LIN28B: variants seen among roughly 807,000 people sequenced by gnomAD.
LIN28B encodes the protein protein lin-28 homolog B.
In LIN28B, 5 loss-of-function variants were observed where a neutral mutation model predicts 21.9. The ratio of observed to expected loss-of-function variants is 0.23; its 90% CI spans 0.12 to 0.48. LIN28B has a LOEUF of 0.48. Among genes scored for constraint, LIN28B ranks in the 20% least tolerant of loss-of-function variants. The pLI is 0.98. For missense variants in LIN28B, 245 were observed against 310.5 expected, an observed-to-expected ratio of 0.79 and a Z score of 1.58; for synonymous variants, 109 against 111.3, an observed-to-expected ratio of 0.98 and a Z score of 0.13.
rs952273655 is a variant in LIN28B, at chr6:105,037,703, G to T, written c.383+11221G>T. Among the ~76,000 whole-genome samples, 8 of 151,838 alleles carry T rather than the reference G, an allele frequency of 5.3e-5. No homozygotes were observed. The East Asian group carries it at 1.5e-3, about 29-fold the overall frequency. ...TTTTGTATTTTTTTTTAGAGACTGG[G>T]TTTTGCCACGTTGCCCAGGCTGGTC... On this transcript the variant is annotated intron_variant, in intron 3 of 3. Transcript: ENST00000345080.
intron 2 of LIN28B, among the ~76,000 whole-genome samples, chr6:104,946,008 A>G (rs1463942564): frequency 1.3e-5 from 2 of 152,056 alleles, no homozygotes; most frequent in Non-Finnish European, 2.9e-5. Context: ...AATTAAATTT[A>G]TCTCTGTGAT....
At chr6:104,947,868 A>C (rs570802200) in intron 2 of LIN28B, among the ~76,000 whole-genome samples, 1 of 152,124 alleles carries the variant, frequency 6.6e-6, no homozygotes, top group East Asian at 1.9e-4. Flanking sequence ...AATACAAAAT[A>C]ATGCCAGAAT....
At chr6:105,014,412 C>T (rs1770985710) in intron 2 of LIN28B, among the ~76,000 whole-genome samples, 1 of 152,302 alleles carries the variant, frequency 6.6e-6, no homozygotes, top group African/African-American at 2.4e-5. Flanking sequence ...CTCCGTTTCC[C>T]GGGTTCAAGC....
intron 3 of LIN28B, among the ~76,000 whole-genome samples, chr6:105,029,519 T>C (rs913143618): frequency 2.6e-5 from 4 of 152,244 alleles, no homozygotes; most frequent in African/African-American, 9.6e-5. Context: ...TTTCTCTTTT[T>C]TATGCTGGTT....
intron 3 of LIN28B, among the ~76,000 whole-genome samples, chr6:105,074,577 T>C (rs1040327923): frequency 6.6e-6 from 1 of 152,224 alleles, no homozygotes; most frequent in African/African-American, 2.4e-5. Context: ...TTATCTTCTA[T>C]CTTTAAACGC....
At chr6:104,948,981 T>C (rs1221110173) in intron 2 of LIN28B, among the ~76,000 whole-genome samples, 3 of 152,188 alleles carry the variant, frequency 2.0e-5, no homozygotes, top group Non-Finnish European at 4.4e-5. Flanking sequence ...TCTTACATTA[T>C]TTGATTTTGG....
chr6:105,054,823 C>T (rs559657427), intron 3 of LIN28B, among the ~76,000 whole-genome samples: 3 of 148,490 alleles, frequency 2.0e-5, no homozygotes, highest in East Asian at 4.1e-4. Context: ...CATGTGGTTA[C>T]ATTTTTCTTG....
At chr6:104,974,580 A>G (rs1430762695) in intron 2 of LIN28B, among the ~76,000 whole-genome samples, 1 of 151,548 alleles carries the variant, frequency 6.6e-6, no homozygotes, top group East Asian at 1.9e-4. Flanking sequence ...TGAAGGGCCC[A>G]AGTTTCTTCC....
intron 3 of LIN28B, among the ~76,000 whole-genome samples, chr6:105,063,593 G>A (rs1205009881): frequency 3.5e-5 from 5 of 141,250 alleles, no homozygotes; most frequent in Admixed American, 2.3e-4. Flanking sequence ...CCGAGATTGC[G>A]CCACTGCACT....
At chr6:104,977,355 A>G (rs9500005) in intron 2 of LIN28B, among the ~76,000 whole-genome samples, 2 of 152,162 alleles carry the variant, frequency 1.3e-5, no homozygotes, top group South Asian at 4.1e-4. Context: ...CCCCAAAGTC[A>G]GAACCTTCTT....
chr6:105,023,295 A>AT (rs1771178723), intron 2 of LIN28B, among the ~76,000 whole-genome samples: 1 of 24,786 alleles, frequency 4.0e-5, no homozygotes, highest in African/African-American at 1.5e-4. Context: ...AATAATATAT[A>AT]TATTTATATA....
At chr6:104,955,163 A>G (rs928613184), upstream of LIN28B, among the ~76,000 whole-genome samples, 4 of 152,208 alleles carry the variant, frequency 2.6e-5, no homozygotes, top group Non-Finnish European at 5.9e-5. Flanking sequence ...CTGTAATGCC[A>G]TCATTGAGAT....
intron 2 of LIN28B, chr6:104,939,488 T>C (rs1056201517): frequency 1.3e-5 from 2 of 152,224 alleles, no homozygotes; most frequent in Admixed American, 6.5e-5. Flanking sequence ...TTTGTCTGCA[T>C]TGATCTCACT....
At chr6:104,993,559 G>A (rs1217566952) in intron 2 of LIN28B, among the ~76,000 whole-genome samples, 1 of 152,172 alleles carries the variant, frequency 6.6e-6, no homozygotes, top group African/African-American at 2.4e-5. Context: ...GCTTTGGCTG[G>A]GGGCGGTGGC....
At chr6:105,012,266 G>A (rs545060574) in intron 2 of LIN28B, among the ~76,000 whole-genome samples, 2 of 151,928 alleles carry the variant, frequency 1.3e-5, no homozygotes, top group East Asian at 3.9e-4. Flanking sequence ...TCAGGAGTTC[G>A]AGACCAGCCT....
chr6:104,954,476 C>CA (rs771823074), upstream of LIN28B, among the ~76,000 whole-genome samples: 4 of 152,108 alleles, frequency 2.6e-5, no homozygotes, highest in African/African-American at 4.8e-5. Flanking sequence ...TCTCCCTTTC[C>CA]AACTTCCTTG....
intron 2 of LIN28B, among the ~76,000 whole-genome samples, chr6:104,958,960 G>A (rs746144520): frequency 3.9e-5 from 6 of 152,114 alleles, no homozygotes; most frequent in Non-Finnish European, 5.9e-5. Flanking sequence ...AAAAAAACAT[G>A]TGGCCAGAGG....
intron 2 of LIN28B, among the ~76,000 whole-genome samples, chr6:105,008,707 A>C (rs1308690877): frequency 6.6e-6 from 1 of 151,964 alleles, no homozygotes; most frequent in East Asian, 1.9e-4. Flanking sequence ...GTTGAATAAC[A>C]ACTTTATTTT....
chr6:104,955,620 C>T (rs1326484613), upstream of LIN28B, among the ~76,000 whole-genome samples: 1 of 150,990 alleles, frequency 6.6e-6, no homozygotes, highest in Non-Finnish European at 1.5e-5. Flanking sequence ...TACATTTTAG[C>T]TTGTGTGAAA....
Sources: allele counts gnomAD v4.1 joint callset (sites outside exome capture counted in the v4.1 genomes callset), GRCh38; gene constraint gnomAD v4.1.1; transcripts MANE v1.5; gene names NCBI Gene and HGNC (gene_info 2026-07-23, HGNC 2026-07-21).